ATRN: variants seen among roughly 807,000 people sequenced by gnomAD.
ATRN encodes the protein attractin, also known as attractin-2.
Under a neutral mutation model 178.7 loss-of-function variants are expected in ATRN, and 54 were observed. The observed-to-expected ratio is 0.30, with a 90% CI of 0.24 to 0.38. The LOEUF (loss-of-function observed/expected upper bound fraction) is 0.38, where lower values mean the gene tolerates loss of function less well. ATRN is among the 10% of genes least tolerant of loss of function. The pLI is 1.00. For missense variants in ATRN, 1,443 were observed against 1,815.1 expected, an observed-to-expected ratio of 0.79 and a Z score of 3.73; for synonymous variants, 636 against 663.0, an observed-to-expected ratio of 0.96 and a Z score of 0.63.
intron 15 of ATRN, among the ~76,000 whole-genome samples, chr20:3,580,239 T>C (rs2086264095): frequency 6.6e-6 from 1 of 152,168 alleles, no homozygotes; most frequent in African/African-American, 2.4e-5. Flanking sequence ...CTTATTACCC[T>C]GGTGTCTCTA....
intron 1 of ATRN, among the ~76,000 whole-genome samples, chr20:3,505,623 T>G (rs537405901): frequency 6.6e-5 from 10 of 152,324 alleles, no homozygotes; most frequent in Middle Eastern, 3.4e-3. Flanking sequence ...TAAGCCTTAA[T>G]GTATTGATAA....
At chr20:3,499,822 G>A (rs238710) in intron 1 of ATRN, among the ~76,000 whole-genome samples, 131,545 of 146,614 alleles carry the variant, frequency 0.9, 59,208 homozygotes, top group African/African-American at 0.96. Context: ...ACAAAAGCCA[G>A]AATTGACAAA....
intron 1 of ATRN, among the ~76,000 whole-genome samples, chr20:3,527,192 A>G (rs185986446): frequency 6.6e-6 from 1 of 152,280 alleles, no homozygotes; most frequent in Non-Finnish European, 1.5e-5. Flanking sequence ...CTGACAAAGG[A>G]CTAATACCCA....
At chr20:3,612,861 T>C (rs180800287) in intron 24 of ATRN, among the ~76,000 whole-genome samples, 22 of 152,322 alleles carry the variant, frequency 1.4e-4, no homozygotes, top group East Asian at 3.9e-4. Context: ...TCTTGACTTA[T>C]GCTGCTGACA....
intron 1 of ATRN, among the ~76,000 whole-genome samples, chr20:3,511,438 G>GTT (rs544053185): frequency 6.7e-6 from 1 of 148,222 alleles, no homozygotes; most frequent in Non-Finnish European, 1.5e-5. Context: ...TTTTTAGTAG[G>GTT]TTTTTTTTTT....
chr20:3,552,112 TA>T lies in ATRN; in HGVS notation c.1112+2775del, dbSNP rs900410836. On this transcript the variant is annotated intron_variant, in intron 6 of 28. Transcript: ENST00000262919. ...CTTCTAGGACACCACATCCCCTTGA[TA>T]TTTTTTTTAATTCCATATTCCTTCT... Among the ~76,000 whole-genome samples, 533 of 152,340 alleles carry T rather than the reference TA, an allele frequency of 3.5e-3. 2 individuals carry two copies. The highest frequency in any genetic ancestry group is 0.012 in the African/African-American group (504 of 41,582).
At chr20:3,626,902 T>C (rs1389568042) in intron 25 of ATRN, among the ~76,000 whole-genome samples, 1 of 149,878 alleles carries the variant, frequency 6.7e-6, no homozygotes, top group African/African-American at 2.5e-5. Context: ...TTCTCCTGCC[T>C]CAGCCTCCCA....
intron 1 of ATRN, among the ~76,000 whole-genome samples, chr20:3,482,539 C>T (rs1487694529): frequency 3.3e-5 from 5 of 152,172 alleles, no homozygotes; most frequent in Admixed American, 3.3e-4. Context: ...AATGAAAAGG[C>T]CAACCTGGCT....
intron 21 of ATRN, 101 bp from the exon 22 acceptor site, chr20:3,597,805 C>T: frequency 1.4e-6 from 1 of 698,164 alleles, no homozygotes; most frequent in East Asian, 2.6e-5. Context: ...AAAGTGCTTT[C>T]CTCGTTACTT....
chr20:3,597,059 C>CATATATATATATATATATATAT lies in ATRN; in HGVS notation c.3469+645_3469+646insTATATATATATATATATATATA, dbSNP rs1405842422. Among the ~76,000 whole-genome samples, 18 of 24,354 alleles carry CATATATATATATATATATATAT rather than the reference C, an allele frequency of 7.4e-4. 1 individual carries two copies. Among genetic ancestry groups the CATATATATATATATATATATAT allele is most frequent in the East Asian group, 0.01 (1 of 96 alleles). 16.0% of individuals were successfully genotyped at this position (24,354 alleles called of 152,430 possible). Reference sequence around the variant, plus strand: ...CACTTGGAACCTGTGAATATGACTTCATATATATATATATAAAACTTCTAA... The same window carrying CATATATATATATATATATATAT: ...CACTTGGAACCTGTGAATATGACTTCATATATATATATATATATATATATATATATATATATAAAACTTCTAA... On this transcript the variant is annotated intron_variant, in intron 21 of 28. Coordinates refer to ENST00000262919, the MANE Select transcript of ATRN (RefSeq NM_139321.3).
intron 1 of ATRN, among the ~76,000 whole-genome samples, chr20:3,476,323 T>G (rs1211967625): frequency 6.6e-6 from 1 of 152,216 alleles, no homozygotes; most frequent in African/African-American, 2.4e-5. Context: ...AACTCAGGGT[T>G]GTCTAATGCC....
At position 3,547,420 on chromosome 20, in the gene ATRN, G is replaced by A. The variant is rs747482817; in HGVS notation, c.874G>A (p.Gly292Ser). ...CDIPHCTDNC[G>S]FPHRGICNSS... is the part of the protein sequence containing the mutation. ...CATTCCTCACTGTACAGACAACTGT[G>A]GTTTTCCTCATCGAGGCATCTGCAA... Residue 292 changes from glycine to serine, a missense_variant, in exon 5 of 29, where the codon GGT (glycine) becomes AGT (serine). Coordinates refer to ENST00000262919, the MANE Select transcript of ATRN (RefSeq NM_139321.3). The A allele has an allele frequency of 1.9e-6, 3 of 1,613,958 alleles. No homozygotes were observed. Among genetic ancestry groups the A allele is most frequent in the African/African-American group, 2.7e-5 (2 of 74,908 alleles).
In ATRN at chr20:3,582,095, A is replaced by C. The variant is rs777331270; in HGVS notation, c.2545-40A>C. ...TCTCCAAAATTTAAATTAAAAAAAG[A>C]TACTATCTGTATTCATAGTTGTGTC... On this transcript the variant is annotated intron_variant, in intron 15 of 28. Transcript: ENST00000262919. The C allele has an allele frequency of 1.8e-5, 28 of 1,551,884 alleles. No individual in the cohort carries two copies. The East Asian group carries it at 5.2e-4, about 29-fold the overall frequency.
chr20:3,496,372 A>G (rs2084878845), intron 1 of ATRN, among the ~76,000 whole-genome samples: 1 of 151,538 alleles, frequency 6.6e-6, no homozygotes, highest in South Asian at 2.1e-4. Flanking sequence ...CGTTGGTTTC[A>G]AAGAACATCT....
intron 23 of ATRN, among the ~76,000 whole-genome samples, chr20:3,602,523 T>G (rs1280277257): frequency 6.6e-6 from 1 of 152,188 alleles, no homozygotes; most frequent in African/African-American, 2.4e-5. Context: ...ATAAGAATAT[T>G]GCCTTGTACA....
chr20:3,572,324 A>T (rs1417933909), intron 11 of ATRN, among the ~76,000 whole-genome samples: 1 of 152,224 alleles, frequency 6.6e-6, no homozygotes, highest in East Asian at 1.9e-4. Flanking sequence ...AAAAGTCAGC[A>T]GGCTATCATG....
intron 27 of ATRN, among the ~76,000 whole-genome samples, chr20:3,640,554 A>C (rs980556326): frequency 1.3e-5 from 2 of 152,258 alleles, no homozygotes; most frequent in African/African-American, 4.8e-5. Context: ...AACAAGTTGG[A>C]TTTCTCATAA....
In ATRN at chr20:3,646,732, T is replaced by C; in HGVS notation, c.4175T>C (p.Val1392Ala). 6.2e-7 allele frequency: 1 copy of C among 1,602,500 alleles called. No individual in the cohort carries two copies. Among genetic ancestry groups the C allele is most frequent in the Non-Finnish European group, 8.5e-7 (1 of 1,173,998 alleles). The change falls in exon 29 of 29, where the codon GTG (valine) becomes GCG (alanine). Residue 1392 changes from valine (V) to alanine (A), a missense_variant. By Grantham distance (64) the Val-to-Ala change is moderately conservative. Coordinates refer to ENST00000262919, the MANE Select transcript of ATRN (RefSeq NM_139321.3). The stretch of plus-strand genomic sequence containing the variant: ...CTGTGGTTCTCCCAAGGTCTTGCTG[T>C]GGCCAGCGCCCTGGTGGACATTTCT... ...IPPPGQSGLA[V>A]ASALVDISQQ...
At chr20:3,513,955 G>A (rs566923309) in intron 1 of ATRN, among the ~76,000 whole-genome samples, 2 of 152,074 alleles carry the variant, frequency 1.3e-5, no homozygotes, top group South Asian at 2.1e-4. Context: ...TATCCTGAGA[G>A]TTTGCTGAAG....
Sources: allele counts gnomAD v4.1 joint callset (sites outside exome capture counted in the v4.1 genomes callset), GRCh38; gene constraint gnomAD v4.1.1; transcripts MANE v1.5; gene names NCBI Gene and HGNC (gene_info 2026-07-23, HGNC 2026-07-21).